Variants in PRKCQ observed in about 807,000 individuals in gnomAD.
The protein encoded by PRKCQ is protein kinase C theta type.
PRKCQ carries 41 observed loss-of-function variants against 91.2 expected under a neutral mutation model. The observed-to-expected ratio is 0.45, with a 90% CI of 0.35 to 0.58. The LOEUF (loss-of-function observed/expected upper bound fraction) is 0.58, where lower values mean the gene tolerates loss of function less well. Ranked by LOEUF, PRKCQ falls within the 20% of genes least tolerant of loss-of-function variation. PRKCQ has a pLI of 0.00. For synonymous variants in PRKCQ, 307 were observed against 316.9 expected, an observed-to-expected ratio of 0.97 and a Z score of 0.33; for missense variants, 673 against 896.5, an observed-to-expected ratio of 0.75 and a Z score of 3.18.
intron 1 of PRKCQ, among the ~76,000 whole-genome samples, chr10:6,561,782 C>CA (rs1840642451): frequency 6.6e-6 from 1 of 152,148 alleles, no homozygotes; most frequent in African/African-American, 2.4e-5. Context: ...TTGCAAGTGA[C>CA]AGTCGTCAGT....
At chr10:6,543,266 G>C (rs2130919820) in intron 1 of PRKCQ, among the ~76,000 whole-genome samples, 1 of 152,374 alleles carries the variant, frequency 6.6e-6, no homozygotes, top group East Asian at 1.9e-4. Flanking sequence ...AGTCACACAG[G>C]TGGAGTTCGC....
At chr10:6,415,448 A>ATATATATATATATATG in the PRKCQ span, among the ~76,000 whole-genome samples, 1 of 103,144 alleles carries the variant, frequency 9.7e-6, no homozygotes, top group Non-Finnish European at 2.1e-5. Flanking sequence ...ATATATATAT[A>ATATATATATATATATG]TATATATACA....
chr10:6,444,316 C>T (rs1165510094), intron 15 of PRKCQ, among the ~76,000 whole-genome samples: 1 of 152,136 alleles, frequency 6.6e-6, no homozygotes, highest in Non-Finnish European at 1.5e-5. Context: ...GTGATCCACC[C>T]ACCTCGGCCT....
At position 6,465,847 on chromosome 10, in the gene PRKCQ, C is replaced by A. The variant is rs1246804073; in HGVS notation, c.1354-1443G>T. On this transcript the variant is annotated intron_variant, in intron 12 of 17. Coordinates refer to ENST00000263125, the MANE Select transcript of PRKCQ (RefSeq NM_006257.5). This position sits in a 1 kb window ranked among gnomAD's most constrained non-coding sequence, Gnocchi z 4.4. ...GATCTGATTTACTAATTCCATATAT[C>A]TTTAAGTGAAGCCCACCCTTTTCTC... Among the ~76,000 whole-genome samples the A allele has an allele frequency of 6.6e-6, 1 of 152,242 alleles. No homozygotes were observed. The highest frequency in any genetic ancestry group is 6.5e-5 in the Admixed American group (1 of 15,286).
chr10:6,546,888 T>G (rs1366797884), intron 1 of PRKCQ, among the ~76,000 whole-genome samples: 1 of 152,214 alleles, frequency 6.6e-6, no homozygotes, highest in African/African-American at 2.4e-5. Flanking sequence ...TAGCTCTTAT[T>G]ATTTTGAGAT....
intron 1 of PRKCQ, among the ~76,000 whole-genome samples, chr10:6,534,801 T>TATAG (rs1480343597): frequency 2.8e-5 from 4 of 144,144 alleles, no homozygotes; most frequent in African/African-American, 9.9e-5. Flanking sequence ...TAGATATATA[T>TATAG]ATATATATAT....
At chr10:6,407,393 C>T in the PRKCQ span, among the ~76,000 whole-genome samples, 3 of 151,550 alleles carry the variant, frequency 2.0e-5, no homozygotes, top group Non-Finnish European at 4.4e-5. This position sits in a 1 kb window ranked among gnomAD's most constrained non-coding sequence, Gnocchi z 4.0. Context: ...CAGCTTGTGT[C>T]GGGCCCAGAA....
chr10:6,428,433 G>T, intron 17 of PRKCQ, 71 bp from the exon 18 acceptor site: 1 of 1,534,914 alleles, frequency 6.5e-7, no homozygotes, highest in Non-Finnish European at 8.8e-7. Context: ...CTTCACTTTT[G>T]TTATCTAGGC....
At chr10:6,395,969 A>G in the PRKCQ span, among the ~76,000 whole-genome samples, 1 of 152,166 alleles carries the variant, frequency 6.6e-6, no homozygotes, top group Non-Finnish European at 1.5e-5. Context: ...CCCATCAGTA[A>G]GATGCAGGAA....
At position 6,435,009 on chromosome 10, in the gene PRKCQ, C is replaced by T. The variant is rs551506160; in HGVS notation, c.1837-4071G>A. Among the ~76,000 whole-genome samples the T allele has an allele frequency of 4.6e-5, 7 of 152,220 alleles. No homozygotes were observed. The East Asian group carries it at 7.7e-4, about 17-fold the overall frequency. ...GGCTCACTGCAAGCTCCGCCTCCCG[C>T]GTTCATGCCATTCTCTTGCCTCAGC... On this transcript the variant is annotated intron_variant, in intron 16 of 17. Transcript: ENST00000263125.
At chr10:6,525,260 G>A (rs1250535143) in intron 1 of PRKCQ, among the ~76,000 whole-genome samples, 1 of 151,330 alleles carries the variant, frequency 6.6e-6, no homozygotes, top group Non-Finnish European at 1.5e-5. Context: ...GTAATTTGCA[G>A]TTTTTGCCAT....
At chr10:6,571,672 G>T (rs1841049393) in intron 1 of PRKCQ, among the ~76,000 whole-genome samples, 1 of 152,068 alleles carries the variant, frequency 6.6e-6, no homozygotes, top group African/African-American at 2.4e-5. Context: ...CAGGTGTGGT[G>T]GTGCATGCCT....
chr10:6,530,671 A>C (rs560098269), intron 1 of PRKCQ, among the ~76,000 whole-genome samples: 2 of 152,350 alleles, frequency 1.3e-5, no homozygotes, highest in African/African-American at 4.8e-5. Context: ...GGGCAATGTG[A>C]ATTGCTCACA....
At chr10:6,455,218 C>A (rs1163480469) in intron 15 of PRKCQ, among the ~76,000 whole-genome samples, 1 of 152,174 alleles carries the variant, frequency 6.6e-6, no homozygotes, top group African/African-American at 2.4e-5. Context: ...CCCCATCACT[C>A]GTGCTTTGAT....
At chr10:6,501,953 G>C (rs1036901885) in intron 4 of PRKCQ, among the ~76,000 whole-genome samples, 7 of 152,178 alleles carry the variant, frequency 4.6e-5, no homozygotes, top group African/African-American at 1.7e-4. Flanking sequence ...AGGAGGATGG[G>C]AATGGTAGGA....
chr10:6,580,030 G>A (rs950940993), intron 1 of PRKCQ, among the ~76,000 whole-genome samples, 181 bp downstream of exon 1: 26 of 152,208 alleles, frequency 1.7e-4, no homozygotes, highest in African/African-American at 6.0e-4. Context: ...ACCCAGCGGG[G>A]AAATTCTTCC....
intron 1 of PRKCQ, among the ~76,000 whole-genome samples, chr10:6,572,471 G>C (rs554911203): frequency 6.6e-6 from 1 of 152,144 alleles, no homozygotes; most frequent in Non-Finnish European, 1.5e-5. Context: ...ACTTATAAGT[G>C]AGAACATAAG....
intron 1 of PRKCQ, among the ~76,000 whole-genome samples, chr10:6,533,039 T>C (rs1252596459): frequency 2.0e-5 from 3 of 152,228 alleles, no homozygotes; most frequent in Admixed American, 6.5e-5. Flanking sequence ...AGAGCAGTTT[T>C]AGGTTCACAG....
At chr10:6,567,269 G>A (rs948312242) in intron 1 of PRKCQ, among the ~76,000 whole-genome samples, 1 of 152,220 alleles carries the variant, frequency 6.6e-6, no homozygotes, top group Non-Finnish European at 1.5e-5. Flanking sequence ...TATAGTAGGG[G>A]CAAATAGTGT....
Sources: gnomAD v4.1 joint callset for allele counts (sites outside exome capture counted in the v4.1 genomes callset) on GRCh38, gnomAD v4.1.1 for gene constraint, Gnocchi (gnomAD v3.1) non-coding constraint, MANE v1.5 for transcripts, NCBI Gene and HGNC (gene_info 2026-07-23, HGNC 2026-07-21) for gene names.